Variants in SH3RF2 observed in about 807,000 individuals in gnomAD.
SH3RF2 encodes E3 ubiquitin-protein ligase SH3RF2.
A neutral mutation model predicts 59.0 loss-of-function variants in SH3RF2; 43 were observed. The ratio of observed to expected loss-of-function variants is 0.73; its 90% CI spans 0.57 to 0.94. The LOEUF (loss-of-function observed/expected upper bound fraction) is 0.94. SH3RF2 is among the 40% of genes least tolerant of loss of function. SH3RF2 has a pLI of 0.00. For missense variants in SH3RF2, 930 were observed against 940.1 expected (o/e 0.99, Z 0.14); for synonymous variants, 391 against 391.5 (o/e 1.00, Z 0.01).
chr5:146,027,498 AAGAC>A (rs1487993626), intron 5 of SH3RF2, among the ~76,000 whole-genome samples: 2 of 152,246 alleles, frequency 1.3e-5, no homozygotes, highest in Non-Finnish European at 2.9e-5. Context: ...TACAGTGAAC[AAGAC>A]AGACATGGTT....
intron 3 of SH3RF2, among the ~76,000 whole-genome samples, chr5:146,001,889 T>C (rs1326128794): frequency 1.3e-5 from 2 of 152,188 alleles, no homozygotes; most frequent in Non-Finnish European, 2.9e-5. Flanking sequence ...TTCTAGGAAA[T>C]CTCATGGTCT....
At chr5:146,001,149 C>A in intron 3 of SH3RF2, among the ~76,000 whole-genome samples, 1 of 152,192 alleles carries the variant, frequency 6.6e-6, no homozygotes, top group Non-Finnish European at 1.5e-5. Flanking sequence ...GATGATTCCC[C>A]ACCATTTGCA....
At chr5:145,953,124 T>TCACACACA (rs3221819) in intron 2 of SH3RF2, among the ~76,000 whole-genome samples, 22 of 148,818 alleles carry the variant, frequency 1.5e-4, no homozygotes, top group South Asian at 2.1e-4. Context: ...TCTCTCTCTG[T>TCACACACA]CACACACACA....
intron 5 of SH3RF2, among the ~76,000 whole-genome samples, chr5:146,020,337 A>G (rs1761269476): frequency 6.6e-6 from 1 of 152,160 alleles, no homozygotes; most frequent in African/African-American, 2.4e-5. Context: ...GTACATTCCT[A>G]TATGCACACC....
downstream of SH3RF2, among the ~76,000 whole-genome samples, chr5:146,065,348 A>G (rs1763078093): frequency 6.6e-6 from 1 of 152,238 alleles, no homozygotes; most frequent in South Asian, 2.1e-4. Context: ...ATAAGTACCT[A>G]TACCTCATCT....
chr5:145,976,906 G>A (rs1000918900), intron 2 of SH3RF2, among the ~76,000 whole-genome samples: 2 of 152,238 alleles, frequency 1.3e-5, no homozygotes, highest in South Asian at 4.1e-4. Context: ...TGTTGGAAGA[G>A]GAAGTCCTTC....
At chr5:145,994,306 C>G (rs772842846) in intron 2 of SH3RF2, among the ~76,000 whole-genome samples, 2 of 152,218 alleles carry the variant, frequency 1.3e-5, no homozygotes, top group Non-Finnish European at 2.9e-5. Context: ...CTTCTGAGCC[C>G]TCCAAATTTT....
intron 2 of SH3RF2, among the ~76,000 whole-genome samples, chr5:145,967,587 TG>T (rs777611271): frequency 9.9e-5 from 15 of 152,236 alleles, no homozygotes; most frequent in Non-Finnish European, 2.1e-4. Context: ...AACGTGGGAC[TG>T]TCTCTATCTT....
At chr5:145,946,702 A>G (rs1478811917) in intron 2 of SH3RF2, among the ~76,000 whole-genome samples, 1 of 152,200 alleles carries the variant, frequency 6.6e-6, no homozygotes, top group Non-Finnish European at 1.5e-5. Flanking sequence ...CACTCTGCAT[A>G]TGACTAAACT....
chr5:145,973,493 A>T (rs1340275351), intron 2 of SH3RF2, among the ~76,000 whole-genome samples: 3 of 152,184 alleles, frequency 2.0e-5, no homozygotes, highest in South Asian at 4.1e-4. Flanking sequence ...TATGCAGTGG[A>T]TATTGAAATG....
intron 7 of SH3RF2, 76 bp from the exon 8 acceptor site, chr5:146,055,905 G>A: frequency 6.6e-7 from 1 of 1,510,938 alleles, no homozygotes; most frequent in African/African-American, 1.4e-5. Context: ...GAGCTGATAG[G>A]TTTTTAAATA....
intron 9 of SH3RF2, among the ~76,000 whole-genome samples, chr5:146,061,662 G>A (rs1316944592): frequency 6.6e-6 from 1 of 152,118 alleles, no homozygotes; most frequent in Non-Finnish European, 1.5e-5. Flanking sequence ...ACCTATGGGT[G>A]CCTAGCAGAT....
At chr5:146,025,187 AC>A (rs1286674383) in intron 5 of SH3RF2, among the ~76,000 whole-genome samples, 24 of 152,218 alleles carry the variant, frequency 1.6e-4, no homozygotes, top group African/African-American at 5.8e-4. Flanking sequence ...CATATTCTTA[AC>A]CTCTCTCTCT....
At chr5:146,076,059 C>A (rs1047646501) in intron 9 of SH3RF2, among the ~76,000 whole-genome samples, 2 of 151,772 alleles carry the variant, frequency 1.3e-5, no homozygotes, top group African/African-American at 4.9e-5. Flanking sequence ...GTCAGTTGAT[C>A]TTAGAGTGGA....
At chr5:145,946,230 G>T (rs1758000945) in intron 2 of SH3RF2, among the ~76,000 whole-genome samples, 1 of 152,162 alleles carries the variant, frequency 6.6e-6, no homozygotes, top group Admixed American at 6.5e-5. Flanking sequence ...ACACTCATGA[G>T]CTCAGACTCC....
At chr5:145,978,685 GAA>G (rs72055049) in intron 2 of SH3RF2, among the ~76,000 whole-genome samples, 3 of 133,236 alleles carry the variant, frequency 2.3e-5, no homozygotes, top group Admixed American at 7.4e-5. Flanking sequence ...TGGTTTTAAG[GAA>G]AAAAAAAAAA....
intron 2 of SH3RF2, among the ~76,000 whole-genome samples, chr5:145,950,198 T>A (rs1299227647): frequency 6.6e-6 from 1 of 152,244 alleles, no homozygotes; most frequent in Non-Finnish European, 1.5e-5. Flanking sequence ...CTGTGGTATT[T>A]TCCCACTTTA....
rs1487240125 is a variant in SH3RF2, at chr5:146,073,351, C to A, written c.*34-5109C>A. Among the ~76,000 whole-genome samples the A allele has an allele frequency of 1.1e-4, 16 of 152,228 alleles. 1 individual carries two copies. Among genetic ancestry groups the A allele is most frequent in the Admixed American group, 1.0e-3 (16 of 15,282 alleles). On this transcript the variant is annotated intron_variant, in intron 9 of 9. Coordinates refer to the SH3RF2 transcript ENST00000511217. ...AGCACATTAGTGTTGCCCCTCTGGG[C>A]ACTTGCAGCTTCCCAAGGTTGACAC...
chr5:146,035,063 G>A (rs895206514), intron 5 of SH3RF2, among the ~76,000 whole-genome samples: 1 of 151,430 alleles, frequency 6.6e-6, no homozygotes, highest in Non-Finnish European at 1.5e-5. Context: ...CTGAGATTGT[G>A]CCACTGTACT....
Sources: gnomAD v4.1 joint callset for allele counts (sites outside exome capture counted in the v4.1 genomes callset) on GRCh38, gnomAD v4.1.1 for gene constraint, MANE v1.5 for transcripts, NCBI Gene and HGNC (gene_info 2026-07-23, HGNC 2026-07-21) for gene names.